Variants in DCBLD1 observed in about 807,000 individuals in gnomAD.
DCBLD1 encodes the protein discoidin, CUB and LCCL domain containing 1, also known as discoidin, CUB and LCCL domain-containing protein 1.
A neutral mutation model predicts 71.5 loss-of-function variants in DCBLD1; 57 were observed. That is an observed-to-expected ratio of 0.80 (90% confidence interval 0.64 to 0.99). The LOEUF (loss-of-function observed/expected upper bound fraction) is 0.99, where lower values mean the gene tolerates loss of function less well. DCBLD1 is among the 50% of genes least tolerant of loss of function. The pLI, the probability that DCBLD1 is intolerant of heterozygous loss-of-function variation, is 0.00. For missense variants in DCBLD1, 891 were observed against 923.5 expected, an observed-to-expected ratio of 0.96 and a Z score of 0.46; for synonymous variants, 380 against 363.8, an observed-to-expected ratio of 1.04 and a Z score of -0.51.
intron 14 of DCBLD1, among the ~76,000 whole-genome samples, chr6:117,554,891 C>CAA (rs34693828): frequency 7.3e-6 from 1 of 137,640 alleles, no homozygotes; most frequent in Admixed American, 7.2e-5. Context: ...GACTCAGTTG[C>CAA]AAAAAAAAAA....
intron 2 of DCBLD1, among the ~76,000 whole-genome samples, chr6:117,510,531 C>T (rs1487391958): frequency 6.6e-6 from 1 of 152,160 alleles, no homozygotes; most frequent in Non-Finnish European, 1.5e-5. Flanking sequence ...ATTATTTTAG[C>T]TTCTCTGTCA....
intron 14 of DCBLD1, chr6:117,561,557 T>C (rs1379230889): frequency 7.1e-5 from 15 of 212,298 alleles, no homozygotes; most frequent in Admixed American, 2.9e-4. Flanking sequence ...GTGTTTGGCA[T>C]AGGGGATTCA....
intron 2 of DCBLD1, among the ~76,000 whole-genome samples, chr6:117,511,356 T>C (rs1041886692): frequency 3.9e-5 from 6 of 152,330 alleles, no homozygotes; most frequent in African/African-American, 1.4e-4. Context: ...TGGCCAGTGA[T>C]AGAAAGAAAC....
chr6:117,541,665 G>A (rs1779101888), intron 11 of DCBLD1, among the ~76,000 whole-genome samples: 1 of 151,980 alleles, frequency 6.6e-6, no homozygotes, highest in Admixed American at 6.6e-5. Context: ...TAAGAATTTG[G>A]AAAGATTAGA....
chr6:117,543,205 T>G lies in DCBLD1; in HGVS notation c.1439T>G (p.Phe480Cys), dbSNP rs777447366. ...VFAGMGIFAAFRKKKKKGSPY... is the reference protein window; with the variant it reads ...VFAGMGIFAACRKKKKKGSPY... ...GCTGGAATGGGGATCTTTGCAGCCTTTAGAAAGTATGGTGACTTTACATGT... is the reference window on the plus strand; with the variant it reads ...GCTGGAATGGGGATCTTTGCAGCCTGTAGAAAGTATGGTGACTTTACATGT... The change falls in exon 12 of 15, where the codon TTT (phenylalanine) becomes TGT (cysteine). Residue 480 changes from phenylalanine (F) to cysteine (C), a missense_variant. Coordinates refer to ENST00000338728, the MANE Select transcript of DCBLD1 (RefSeq NM_001366458.2). The G allele has an allele frequency of 1.9e-6, 3 of 1,613,998 alleles. No homozygotes were observed. In the South Asian group the frequency reaches 3.3e-5, roughly 18 times the overall value.
At chr6:117,507,142 C>T (rs1473893517) in intron 2 of DCBLD1, among the ~76,000 whole-genome samples, 1 of 152,178 alleles carries the variant, frequency 6.6e-6, no homozygotes, top group South Asian at 2.1e-4. Context: ...TTACATTAAC[C>T]ATTGTGAATA....
Position 117,541,195 on chromosome 6 carries a change from G to A in DCBLD1, c.1357+170G>A, listed in dbSNP as rs769956570. Among the ~76,000 whole-genome samples the A allele has an allele frequency of 1.2e-4, 19 of 152,116 alleles. 1 individual carries two copies. The highest frequency in any genetic ancestry group is 2.1e-4 in the Non-Finnish European group (14 of 68,034). On this transcript the variant is annotated intron_variant, in intron 11 of 14. Coordinates refer to ENST00000338728, the MANE Select transcript of DCBLD1 (RefSeq NM_001366458.2). ...TGTATGTTTACAGCTTTTCATTGCA[G>A]TATTATAAATAGAAAAAGATTAGGA...
intron 8 of DCBLD1, 59 bp from the exon 9 acceptor site, chr6:117,539,196 A>G: frequency 5.0e-6 from 7 of 1,389,934 alleles, no homozygotes; most frequent in African/African-American, 1.5e-5. Context: ...TGAAATTATA[A>G]TAGATGTTAT....
intron 2 of DCBLD1, among the ~76,000 whole-genome samples, 164 bp downstream of exon 2, chr6:117,504,143 C>G (rs1344829309): frequency 2.0e-5 from 3 of 152,160 alleles, no homozygotes; most frequent in Non-Finnish European, 4.4e-5. Flanking sequence ...GCTTCATAAG[C>G]TGAAACAGCA....
chr6:117,557,579 C>G (rs1209494829), intron 14 of DCBLD1, among the ~76,000 whole-genome samples: 3 of 152,070 alleles, frequency 2.0e-5, no homozygotes, highest in Non-Finnish European at 4.4e-5. Flanking sequence ...GCCTGGCCAA[C>G]ATGGTGAAAC....
At chr6:117,569,513 G>GA in intron 14 of DCBLD1, 4 of 1,588,304 alleles carry the variant, frequency 2.5e-6, no homozygotes, top group Non-Finnish European at 1.7e-6. Context: ...AGTATACAGT[G>GA]TTCAATAGAT....
Position 117,543,169 on chromosome 6 carries a change from T to G in DCBLD1, c.1403T>G (p.Val468Gly). Residue 468 changes from valine (V) to glycine (G), a missense_variant, in exon 12 of 15, where the codon GTC (valine) becomes GGC (glycine). Val to Gly is a moderately radical substitution (Grantham distance 109). Coordinates refer to ENST00000338728, the MANE Select transcript of DCBLD1 (RefSeq NM_001366458.2). The stretch of plus-strand genomic sequence containing the variant: ...GCTATTCCATTGGTGCTCCTTGTTG[T>G]CCTGGTGTTTGCTGGAATGGGGATC... ...TVAIPLVLLV[V>G]LVFAGMGIFA... 1 of 1,614,192 alleles carries G rather than the reference T, an allele frequency of 6.2e-7. No homozygotes were observed. The highest frequency in any genetic ancestry group is 8.5e-7 in the Non-Finnish European group (1 of 1,180,038).
chr6:117,496,269 T>G (rs572091675), intron 1 of DCBLD1, among the ~76,000 whole-genome samples: 1 of 152,262 alleles, frequency 6.6e-6, no homozygotes, highest in African/African-American at 2.4e-5. Flanking sequence ...TCCATATTCC[T>G]TTCAGAAAAA....
intron 4 of DCBLD1, among the ~76,000 whole-genome samples, chr6:117,521,990 C>T (rs777742377): frequency 3.3e-5 from 5 of 152,142 alleles, no homozygotes; most frequent in Admixed American, 6.5e-5. Flanking sequence ...GAATCATTAC[C>T]GAGTCTAGAC....
chr6:117,551,267 T>A (rs1434192761), downstream of DCBLD1, among the ~76,000 whole-genome samples: 1 of 151,964 alleles, frequency 6.6e-6, no homozygotes, highest in African/African-American at 2.4e-5. Flanking sequence ...TGATCAGCCC[T>A]TTTTTTTGGT....
chr6:117,522,497 A>C (rs918165925), intron 4 of DCBLD1, among the ~76,000 whole-genome samples: 1 of 151,664 alleles, frequency 6.6e-6, no homozygotes, highest in African/African-American at 2.4e-5. Flanking sequence ...GCTGGAGTGC[A>C]GTGGTATAAT....
chr6:117,499,512 C>T (rs1469713072), intron 1 of DCBLD1, among the ~76,000 whole-genome samples: 2 of 152,090 alleles, frequency 1.3e-5, no homozygotes, highest in Non-Finnish European at 2.9e-5. Context: ...CTTCCATCCC[C>T]AGCCAGGCAA....
At chr6:117,540,318 C>A (rs762504410) in intron 9 of DCBLD1, 3 of 202,330 alleles carry the variant, frequency 1.5e-5, no homozygotes, top group Non-Finnish European at 3.1e-5. Flanking sequence ...AATGAGAATT[C>A]GGAAGGAAAT....
In DCBLD1 at chr6:117,543,113, G is replaced by A. The variant is rs774138369; in HGVS notation, c.1358-11G>A. ...TTATGTTGTAACGTGATGGCTTTCC[G>A]TCTTCTTTAGGAATAAACATTACAA... On this transcript the variant is annotated splice_polypyrimidine_tract_variant and intron_variant, in intron 11 of 14. Coordinates refer to ENST00000338728, the MANE Select transcript of DCBLD1 (RefSeq NM_001366458.2). 1.6e-5 allele frequency: 25 copies of A among 1,611,528 alleles called. No homozygotes were observed. Among genetic ancestry groups the A allele is most frequent in the South Asian group, 2.2e-5 (2 of 90,994 alleles).
Sources: allele counts gnomAD v4.1 joint callset (sites outside exome capture counted in the v4.1 genomes callset), GRCh38; gene constraint gnomAD v4.1.1; transcripts MANE v1.5; gene names NCBI Gene and HGNC (gene_info 2026-07-23, HGNC 2026-07-21).